The following GAS2 variants were observed in gnomAD, a reference collection of about 807,000 sequenced individuals.
GAS2 encodes the protein growth arrest-specific protein 2.
Under a neutral mutation model 37.5 loss-of-function variants are expected in GAS2, and 20 were observed. The observed-to-expected ratio is 0.53, with a 90% CI of 0.37 to 0.77. GAS2 has a LOEUF of 0.77. Ranked by LOEUF, GAS2 falls within the 30% of genes least tolerant of loss-of-function variation. GAS2 has a pLI of 0.00. For missense variants in GAS2, 336 were observed against 373.4 expected, an observed-to-expected ratio of 0.90 and a Z score of 0.82; for synonymous variants, 144 against 132.2, an observed-to-expected ratio of 1.09 and a Z score of -0.61.
intron 1 of GAS2, among the ~76,000 whole-genome samples, chr11:22,644,863 A>T (rs1320972643): frequency 6.6e-6 from 1 of 152,168 alleles, no homozygotes; most frequent in Non-Finnish European, 1.5e-5. Context: ...ACTCAAAGTG[A>T]TCTGCCTGCC....
intron 3 of GAS2, among the ~76,000 whole-genome samples, chr11:22,698,115 C>T (rs144138007): frequency 1.4e-3 from 218 of 151,942 alleles, no homozygotes; most frequent in African/African-American, 5.0e-3. Context: ...AATTGATAGA[C>T]CGCTAGCAAG....
At chr11:22,766,655 T>C (rs1248706814) in intron 7 of GAS2, among the ~76,000 whole-genome samples, 1 of 152,112 alleles carries the variant, frequency 6.6e-6, no homozygotes, top group African/African-American at 2.4e-5. Flanking sequence ...ACAGCCTCAA[T>C]AACAACAACA....
At chr11:22,662,678 A>T (rs1848927991), upstream of GAS2, among the ~76,000 whole-genome samples, 1 of 152,110 alleles carries the variant, frequency 6.6e-6, no homozygotes, top group Non-Finnish European at 1.5e-5. Flanking sequence ...AACACCTTCA[A>T]CTTAGACAAC....
chr11:22,637,250 A>G (rs1402094062), intron 1 of GAS2, among the ~76,000 whole-genome samples: 2 of 30,578 alleles, frequency 6.5e-5, no homozygotes, highest in Non-Finnish European at 1.3e-4. Flanking sequence ...TTATATTAAT[A>G]GTATACTAAT....
At chr11:22,753,250 T>C (rs936561561) in intron 6 of GAS2, among the ~76,000 whole-genome samples, 15 of 152,150 alleles carry the variant, frequency 9.9e-5, no homozygotes, top group Non-Finnish European at 1.8e-4. Flanking sequence ...TCAGTCACTG[T>C]TTACTTAACA....
At chr11:22,773,581 G>A (rs1321602296) in intron 7 of GAS2, among the ~76,000 whole-genome samples, 1 of 151,770 alleles carries the variant, frequency 6.6e-6, no homozygotes. Context: ...TTTTAGTAGA[G>A]ACGGGGTTTC....
chr11:22,735,224 C>T (rs201270586), intron 4 of GAS2, among the ~76,000 whole-genome samples: 496 of 108,910 alleles, frequency 4.6e-3, no homozygotes, highest in Middle Eastern at 7.2e-3. Context: ...ACCAATCATT[C>T]TTTTTTTTTT....
rs376879143 is a variant in GAS2 at position 22,680,923 on chromosome 11, A to T, written c.146-4745A>T. ...TTGGGTGACCTGAGGCAAGTTACTT[A>T]ATCTACACATCTGTTTCATTATCTG... On this transcript the variant is annotated intron_variant, in intron 2 of 7. Transcript: ENST00000454584. 1.8e-4 allele frequency among the ~76,000 whole-genome samples: 28 copies of T among 151,762 alleles called. 1 individual carries two copies. The South Asian group carries it at 5.6e-3, about 31-fold the overall frequency.
chr11:22,786,029 G>A (rs1440478165), intron 7 of GAS2, among the ~76,000 whole-genome samples: 3 of 152,056 alleles, frequency 2.0e-5, no homozygotes, highest in Admixed American at 2.0e-4. Context: ...TCTAAGGGGA[G>A]TTTTGGTTAA....
chr11:22,674,977 G>T lies in GAS2; in HGVS notation c.108G>T (p.Met36Ile). The change falls in exon 2 of 8, where the codon ATG becomes ATT. Residue 36 changes from methionine to isoleucine, a missense_variant. Transcript: ENST00000454584. ...ASRHEANLLP[M>I]KEDLALWLTN... ...GACATGAAGCTAATTTGCTACCAATGAAAGAAGATCTGGCCTTGTGGTTAA... is the reference window on the plus strand; with the variant it reads ...GACATGAAGCTAATTTGCTACCAATTAAAGAAGATCTGGCCTTGTGGTTAA... The T allele has an allele frequency of 3.1e-6, 5 of 1,613,938 alleles. No homozygotes were observed. Among genetic ancestry groups the T allele is most frequent in the Non-Finnish European group, 3.4e-6 (4 of 1,179,876 alleles).
At position 22,770,860 on chromosome 11, in the gene GAS2, C is replaced by T. The variant is rs116465660; in HGVS notation, c.723+14907C>T. Among the ~76,000 whole-genome samples, 780 of 152,214 alleles carry T rather than the reference C, an allele frequency of 5.1e-3. 6 individuals carry two copies. The highest frequency in any genetic ancestry group is 0.018 in the African/African-American group (743 of 41,508). The stretch of plus-strand genomic sequence containing the variant: ...GATCACAGTTTGCATTTTTAGGTGG[C>T]GTTCATGTACCTTTCTTCATTGAAG... On this transcript the variant is annotated intron_variant, in intron 7 of 7. Transcript: ENST00000454584.
chr11:22,748,370 C>G (rs1853531415), intron 5 of GAS2, among the ~76,000 whole-genome samples: 1 of 151,842 alleles, frequency 6.6e-6, no homozygotes, highest in Non-Finnish European at 1.5e-5. Context: ...TTGATATGTA[C>G]CTAGGAAACC....
At chr11:22,687,061 G>A (rs538303600) in intron 3 of GAS2, among the ~76,000 whole-genome samples, 9 of 152,160 alleles carry the variant, frequency 5.9e-5, no homozygotes, top group African/African-American at 9.6e-5. Context: ...GTGGTGGCTC[G>A]TGACTGTAAT....
intron 1 of GAS2, among the ~76,000 whole-genome samples, chr11:22,638,020 A>G (rs1296726193): frequency 6.6e-6 from 1 of 152,000 alleles, no homozygotes; most frequent in Non-Finnish European, 1.5e-5. Flanking sequence ...AATGCACCCA[A>G]CTAATATAAG....
intron 5 of GAS2, 64 bp from the exon 6 acceptor site, chr11:22,749,056 G>GTAA (rs1853573674): frequency 7.0e-7 from 1 of 1,420,394 alleles, no homozygotes; most frequent in South Asian, 1.3e-5. Context: ...ATCATCACAT[G>GTAA]TAATATATGG....
chr11:22,802,623 A>C (rs940036623), intron 7 of GAS2, among the ~76,000 whole-genome samples: 3 of 152,112 alleles, frequency 2.0e-5, no homozygotes, highest in Non-Finnish European at 4.4e-5. Context: ...GACAGCCATA[A>C]TAAAACCTAA....
intron 1 of GAS2, among the ~76,000 whole-genome samples, chr11:22,650,468 A>G (rs1396406647): frequency 1.3e-5 from 2 of 151,724 alleles, no homozygotes; most frequent in African/African-American, 2.4e-5. Context: ...ATTCCTGTGT[A>G]TCCTTGTTGA....
chr11:22,660,699 G>A (rs976860212), intron 1 of GAS2, among the ~76,000 whole-genome samples: 1 of 152,166 alleles, frequency 6.6e-6, no homozygotes, highest in Non-Finnish European at 1.5e-5. Flanking sequence ...CCTATTCCTT[G>A]ACAGCCTCTG....
At chr11:22,654,333 A>G (rs1848831209) in intron 1 of GAS2, among the ~76,000 whole-genome samples, 1 of 151,948 alleles carries the variant, frequency 6.6e-6, no homozygotes, top group South Asian at 2.1e-4. Context: ...AATTATTTAA[A>G]TAATTTTTTC....
Sources: allele counts gnomAD v4.1 joint callset (sites outside exome capture counted in the v4.1 genomes callset), GRCh38; gene constraint gnomAD v4.1.1; transcripts MANE v1.5; gene names NCBI Gene and HGNC (gene_info 2026-07-23, HGNC 2026-07-21).